MYO1H: variants seen among roughly 807,000 people sequenced by gnomAD.
MYO1H encodes myosin IH, also known as unconventional myosin-Ih.
MYO1H carries 118 observed loss-of-function variants against 149.3 expected under a neutral mutation model. The ratio of observed to expected loss-of-function variants is 0.79; its 90% CI spans 0.68 to 0.92. The LOEUF (loss-of-function observed/expected upper bound fraction) is 0.92, where lower values mean the gene tolerates loss of function less well. MYO1H is among the 40% of genes least tolerant of loss of function. The pLI, the probability that MYO1H is intolerant of heterozygous loss-of-function variation, is 0.00. For synonymous variants in MYO1H, 447 were observed against 465.2 expected, an observed-to-expected ratio of 0.96 and a Z score of 0.50; for missense variants, 1,212 against 1,280.7, an observed-to-expected ratio of 0.95 and a Z score of 0.82.
In MYO1H at chr12:109,374,736, T is replaced by C. The variant is rs114408495; in HGVS notation, c.13-13947T>C. Among the ~76,000 whole-genome samples, 906 of 152,338 alleles carry C rather than the reference T, an allele frequency of 5.9e-3. 14 individuals are homozygous for C. Among genetic ancestry groups the C allele is most frequent in the African/African-American group, 0.021 (871 of 41,568 alleles). On this transcript the variant is annotated intron_variant, in intron 1 of 31. Transcript: ENST00000310903. Reference sequence around the variant, plus strand: ...CCCATCCATATAGTATAAGAGTTTCTCTTGCTCTACATCCTTCCCAGCTTG... The same window carrying C: ...CCCATCCATATAGTATAAGAGTTTCCCTTGCTCTACATCCTTCCCAGCTTG...
At chr12:109,357,161 G>A (rs907375675) in intron 1 of MYO1H, 4 of 152,182 alleles carry the variant, frequency 2.6e-5, no homozygotes, top group South Asian at 2.1e-4. Context: ...TTTCTGGTTC[G>A]TGTTTAGTGA....
the MYO1H span, among the ~76,000 whole-genome samples, chr12:109,341,810 G>T: frequency 9.2e-5 from 14 of 152,134 alleles, no homozygotes; most frequent in Non-Finnish European, 1.8e-4. Flanking sequence ...GACTCCCTGG[G>T]TTATTACTAG....
the MYO1H span, among the ~76,000 whole-genome samples, chr12:109,316,876 A>G: frequency 2.0e-5 from 3 of 152,150 alleles, no homozygotes; most frequent in Admixed American, 2.0e-4. Context: ...GAAACCTACC[A>G]AGTGCATATA....
chr12:109,372,538 G>C (rs1869003731), intron 1 of MYO1H, among the ~76,000 whole-genome samples: 1 of 151,908 alleles, frequency 6.6e-6, no homozygotes, highest in South Asian at 2.1e-4. Context: ...CTGTATGTTT[G>C]GGATAAGTTC....
intron 14 of MYO1H, 63 bp downstream of exon 14, chr12:109,412,048 G>C: frequency 1.7e-6 from 2 of 1,162,558 alleles, no homozygotes; most frequent in South Asian, 1.4e-5. Flanking sequence ...ATTTTCTTTA[G>C]TATTTGGATA....
intron 10 of MYO1H, among the ~76,000 whole-genome samples, chr12:109,409,215 CCTTCTTCTTTTTCTT>C (rs1231969028): frequency 1.6e-5 from 2 of 127,026 alleles, no homozygotes; most frequent in Admixed American, 8.7e-5. Context: ...TTCTTCTTCT[CCTTCTTCTTTTTCTT>C]CTTCTTCTTC....
Position 109,382,240 on chromosome 12 carries a change from G to C in MYO1H, c.13-6443G>C, listed in dbSNP as rs1276204195. Among the ~76,000 whole-genome samples the C allele has an allele frequency of 2.0e-5, 3 of 152,060 alleles. No individual in the cohort carries two copies. The East Asian group carries it at 5.8e-4, about 29-fold the overall frequency. ...GCCAAAACCAATCAATCTTGTATCT[G>C]ATTGGACCTCTAATTCAAACAACCA... On this transcript the variant is annotated intron_variant, in intron 1 of 31. Coordinates refer to ENST00000310903, the Ensembl canonical transcript of MYO1H.
chr12:109,397,805 A>C, exon 5 of MYO1H: 1 of 1,608,082 alleles, frequency 6.2e-7, no homozygotes, highest in Non-Finnish European at 8.5e-7. Context: ...ATACAATTTG[A>C]TTTTCAGGTA....
At chr12:109,440,647 G>C (rs1418662535) in intron 24 of MYO1H, 97 bp from the exon 25 acceptor site, 1 of 853,994 alleles carries the variant, frequency 1.2e-6, no homozygotes, top group Admixed American at 2.2e-5. Flanking sequence ...AAATCAAACT[G>C]AATTCAGCAG....
chr12:109,357,421 A>G (rs1189888210), intron 1 of MYO1H, among the ~76,000 whole-genome samples: 2 of 152,218 alleles, frequency 1.3e-5, no homozygotes, highest in Non-Finnish European at 2.9e-5. Context: ...ATTCAGAAAT[A>G]TGGTTCCTAA....
intron 20 of MYO1H, among the ~76,000 whole-genome samples, chr12:109,433,820 A>C (rs1048207131): frequency 6.6e-6 from 1 of 152,152 alleles, no homozygotes; most frequent in Admixed American, 6.5e-5. Context: ...CAGGGCATGG[A>C]GGTCAGAGGT....
At chr12:109,358,846 TAA>T (rs541289093) in intron 1 of MYO1H, among the ~76,000 whole-genome samples, 5,541 of 84,316 alleles carry the variant, frequency 0.066, 261 homozygotes, top group African/African-American at 0.16. Flanking sequence ...CCTGTGGTGT[TAA>T]AAAAAAAAAA....
At chr12:109,338,639 G>A in the MYO1H span, among the ~76,000 whole-genome samples, 88 of 151,956 alleles carry the variant, frequency 5.8e-4, no homozygotes, top group African/African-American at 1.9e-3. Context: ...GTGATGGCAC[G>A]CGCCTCTTAT....
chr12:109,405,702 CTGAA>C (rs1192897994), intron 7 of MYO1H, among the ~76,000 whole-genome samples: 1 of 152,212 alleles, frequency 6.6e-6, no homozygotes, highest in Non-Finnish European at 1.5e-5. Flanking sequence ...CTGCTGGACA[CTGAA>C]TGAGGCTGTT....
intron 1 of MYO1H, among the ~76,000 whole-genome samples, chr12:109,371,999 G>C (rs959026311): frequency 6.6e-6 from 1 of 152,128 alleles, no homozygotes; most frequent in African/African-American, 2.4e-5. Flanking sequence ...TTTGTGTGGG[G>C]TGTTGGACTT....
intron 1 of MYO1H, among the ~76,000 whole-genome samples, chr12:109,361,543 C>T (rs991481715): frequency 6.6e-6 from 1 of 152,162 alleles, no homozygotes; most frequent in Non-Finnish European, 1.5e-5. Context: ...CAGTGGCTCA[C>T]GCCTGTAATC....
the MYO1H span, among the ~76,000 whole-genome samples, chr12:109,318,979 T>TTTTG: frequency 8.9e-4 from 125 of 141,104 alleles, 1 homozygote; most frequent in African/African-American, 3.0e-3. Flanking sequence ...TTTGTTTTTT[T>TTTTG]TTTTTTTTTT....
chr12:109,353,752 A>C (rs1868519007), intron 1 of MYO1H, among the ~76,000 whole-genome samples: 1 of 152,078 alleles, frequency 6.6e-6, no homozygotes, highest in Non-Finnish European at 1.5e-5. Context: ...CCCAGGTTCA[A>C]GTGCTTCTCC....
At chr12:109,345,003 G>A (rs1238779722), upstream of MYO1H, among the ~76,000 whole-genome samples, 1 of 152,140 alleles carries the variant, frequency 6.6e-6, no homozygotes, top group Non-Finnish European at 1.5e-5. Flanking sequence ...ACTATTAGAA[G>A]AAAACACAGG....
Sources: gnomAD v4.1 joint callset for allele counts (sites outside exome capture counted in the v4.1 genomes callset) on GRCh38, gnomAD v4.1.1 for gene constraint, MANE v1.5 for transcripts, NCBI Gene and HGNC (gene_info 2026-07-23, HGNC 2026-07-21) for gene names.